Variants in CPM observed in about 807,000 individuals in gnomAD.
CPM encodes carboxypeptidase M, also known as renal carboxypeptidase.
Under a neutral mutation model 46.4 loss-of-function variants are expected in CPM, and 35 were observed. That is an observed-to-expected ratio of 0.75 (90% CI 0.58 to 1.00). The LOEUF (loss-of-function observed/expected upper bound fraction) is 1.00, where lower values mean the gene tolerates loss of function less well. CPM is among the 50% of genes least tolerant of loss of function. The pLI is 0.00. For synonymous variants in CPM, 195 were observed against 195.3 expected, an observed-to-expected ratio of 1.00 and a Z score of 0.01; for missense variants, 422 against 530.4, an observed-to-expected ratio of 0.80 and a Z score of 2.01.
chr12:68,855,743 GTT>G lies in CPM; in HGVS notation c.*692_*693del, dbSNP rs57330829. ...GTGTTTTTTTTGTTTGTTTGTTTTT[GTT>G]TTTTTTTTTTTGAGACAGAGTCTTA... On this transcript the variant is annotated 3_prime_UTR_variant, in exon 9 of 9. Coordinates refer to ENST00000551568, the MANE Select transcript of CPM (RefSeq NM_198320.5). 6 of 140,528 alleles carry G rather than the reference GTT, an allele frequency of 4.3e-5. No individual in the cohort carries two copies. Among genetic ancestry groups the G allele is most frequent in the African/African-American group, 7.7e-5 (3 of 38,748 alleles). The allele number at this position is 140,528 out of a possible 1,614,324, so 8.7% of individuals were successfully genotyped here. A position where few individuals can be genotyped will look rare whatever the true frequency, so the allele number is the denominator to read the frequency against.
intron 2 of CPM, among the ~76,000 whole-genome samples, chr12:68,911,059 G>A (rs746267239): frequency 1.5e-4 from 23 of 152,070 alleles, no homozygotes; most frequent in East Asian, 1.9e-4. Context: ...TTTGCTATAC[G>A]GCATCTGGGC....
intron 3 of CPM, among the ~76,000 whole-genome samples, chr12:68,884,110 GAAAAAAAAA>G (rs35514888): frequency 7.8e-5 from 5 of 63,862 alleles, no homozygotes; most frequent in South Asian, 1.5e-3. Context: ...AATTCCATCG[GAAAAAAAAA>G]AAAAAAAAAA....
chr12:68,941,588 G>C (rs1469651577), intron 1 of CPM, among the ~76,000 whole-genome samples: 2 of 152,132 alleles, frequency 1.3e-5, no homozygotes, highest in Non-Finnish European at 2.9e-5. Flanking sequence ...TGTTGCCCAG[G>C]CTGGTCTCGA....
chr12:68,882,617 GTTC>G (rs1012846143), intron 3 of CPM, among the ~76,000 whole-genome samples: 3 of 152,184 alleles, frequency 2.0e-5, no homozygotes, highest in Non-Finnish European at 4.4e-5. Context: ...TCTGTTTCAA[GTTC>G]TTTGAGAAAT....
chr12:68,954,400 A>T (rs1201017183), intron 1 of CPM, among the ~76,000 whole-genome samples: 2 of 152,060 alleles, frequency 1.3e-5, no homozygotes, highest in Non-Finnish European at 2.9e-5. Context: ...TCTCATCAGT[A>T]CTGGGCATAG....
intron 2 of CPM, among the ~76,000 whole-genome samples, chr12:68,927,336 G>A (rs2136316321): frequency 6.6e-6 from 1 of 151,622 alleles, no homozygotes; most frequent in East Asian, 1.9e-4. Flanking sequence ...ATTTTTTCAT[G>A]TGTTTTTTGG....
chr12:68,859,408 G>A (rs1018513268), intron 7 of CPM, among the ~76,000 whole-genome samples: 1 of 152,066 alleles, frequency 6.6e-6, no homozygotes, highest in Non-Finnish European at 1.5e-5. Flanking sequence ...ACAACCATTG[G>A]TGGATTCCAT....
chr12:68,913,675 G>A (rs1887690750), intron 2 of CPM: 1 of 341,980 alleles, frequency 2.9e-6, no homozygotes, highest in South Asian at 2.6e-5. Flanking sequence ...CACCTGCAGA[G>A]GGCACATCCT....
chr12:68,885,860 G>A lies in CPM; in HGVS notation c.190C>T (p.Arg64Trp), dbSNP rs754429697. Reference sequence around the variant, plus strand: ...CCAATTCTGTGTTCCTTTGGAAACCGCCCCACAACAAGAACCCACAGGTTT... The same window carrying A: ...CCAATTCTGTGTTCCTTTGGAAACCACCCCACAACAAGAACCCACAGGTTT... ...GRNLWVLVVG[R>W]FPKEHRIGIP... Residue 64 changes from arginine to tryptophan, a missense_variant, in exon 3 of 9, where the codon CGG becomes TGG. Transcript: ENST00000551568. 4 of 1,613,942 alleles carry A rather than the reference G, an allele frequency of 2.5e-6. No individual in the cohort carries two copies. The highest frequency in any genetic ancestry group is 3.4e-6 in the Non-Finnish European group (4 of 1,179,944).
rs1885105233 is a variant in CPM, at chr12:68,859,170, T to C, written c.941-99A>G. ...AACAATATATGCAATATTTATTAGC[T>C]AACTCAATGTTGTGAGTTAATATTA... On this transcript the variant is annotated intron_variant, in intron 7 of 8. Coordinates refer to ENST00000551568, the MANE Select transcript of CPM (RefSeq NM_198320.5). The C allele has an allele frequency of 2.4e-5, 15 of 628,128 alleles. No homozygotes were observed. In the East Asian group the frequency reaches 5.3e-4, roughly 22 times the overall value. The allele number at this position is 628,128 out of a possible 1,614,324, so 38.9% of individuals were successfully genotyped here.
At chr12:68,872,380 G>C (rs1885744543) in intron 3 of CPM, among the ~76,000 whole-genome samples, 1 of 151,376 alleles carries the variant, frequency 6.6e-6, no homozygotes, top group African/African-American at 2.4e-5. Context: ...AGCTTCCTGA[G>C]TAGCTGGGAT....
At chr12:68,932,049 T>C (rs1888533963) in intron 2 of CPM, among the ~76,000 whole-genome samples, 1 of 152,198 alleles carries the variant, frequency 6.6e-6, no homozygotes, top group South Asian at 2.1e-4. Context: ...CTTCTTCAAA[T>C]GGATACATTT....
upstream of CPM, among the ~76,000 whole-genome samples, chr12:68,934,685 C>T (rs1040349940): frequency 2.6e-5 from 4 of 152,140 alleles, no homozygotes; most frequent in African/African-American, 9.7e-5. Flanking sequence ...AACTGAGGCG[C>T]TCACGGGATG....
At chr12:68,924,030 G>A (rs1231781895) in intron 2 of CPM, among the ~76,000 whole-genome samples, 1 of 151,874 alleles carries the variant, frequency 6.6e-6, no homozygotes, top group Admixed American at 6.6e-5. Context: ...ATTGTGGGCG[G>A]AGGGGACAGT....
chr12:68,899,476 C>G (rs920431224), intron 2 of CPM, among the ~76,000 whole-genome samples: 1 of 152,156 alleles, frequency 6.6e-6, no homozygotes, highest in South Asian at 2.1e-4. Flanking sequence ...TTGAGGACAT[C>G]GTGTAGATTT....
At chr12:68,944,489 G>C (rs1411218150) in intron 1 of CPM, among the ~76,000 whole-genome samples, 2 of 152,132 alleles carry the variant, frequency 1.3e-5, no homozygotes, top group African/African-American at 4.8e-5. Flanking sequence ...CTGAAGCCTT[G>C]AACTTCTGGG....
At chr12:68,876,904 G>T (rs1393635022) in intron 3 of CPM, among the ~76,000 whole-genome samples, 4 of 118,710 alleles carry the variant, frequency 3.4e-5, no homozygotes, top group African/African-American at 1.1e-4. Context: ...GTGTGTGTGT[G>T]TGTGTGTGTG....
intron 2 of CPM, among the ~76,000 whole-genome samples, chr12:68,889,276 C>A (rs1397935762): frequency 1.3e-5 from 2 of 152,094 alleles, no homozygotes; most frequent in African/African-American, 2.4e-5. Flanking sequence ...TACTTCTAAT[C>A]CACCTTTTTA....
chr12:68,948,869 A>T (rs894656344), intron 1 of CPM, among the ~76,000 whole-genome samples: 1 of 152,154 alleles, frequency 6.6e-6, no homozygotes, highest in African/African-American at 2.4e-5. Flanking sequence ...GCTAAATATG[A>T]TGCTCTAACC....
Sources: allele counts gnomAD v4.1 joint callset (sites outside exome capture counted in the v4.1 genomes callset), GRCh38; gene constraint gnomAD v4.1.1; transcripts MANE v1.5; gene names NCBI Gene and HGNC (gene_info 2026-07-23, HGNC 2026-07-21).